The following CLUL1 variants were observed in gnomAD, a reference collection of about 807,000 sequenced individuals.
CLUL1 encodes the protein clusterin-like protein 1.
Under a neutral mutation model 49.4 loss-of-function variants are expected in CLUL1, and 43 were observed. That is an observed-to-expected ratio of 0.87 (90% CI 0.68 to 1.12). CLUL1 has a LOEUF of 1.12. Ranked by LOEUF, CLUL1 falls within the 50% of genes most tolerant of loss-of-function variation. CLUL1 has a pLI of 0.00. For synonymous variants in CLUL1, 192 were observed against 184.9 expected (o/e 1.04, Z -0.31); for missense variants, 486 against 544.4 (o/e 0.89, Z 1.07).
chr18:627,407 G>T lies in CLUL1; in HGVS notation c.734G>T (p.Cys245Phe). Reference sequence around the variant, plus strand: ...ATGACAAAAGCAGATCTTGAGCAATGTTGGGACATTCCCAACTTCTTCCAG... The same window carrying T: ...ATGACAAAAGCAGATCTTGAGCAATTTTGGGACATTCCCAACTTCTTCCAG... ...EPMTKADLEQ[C>F]WDIPNFFQLF... Residue 245 changes from cysteine (C) to phenylalanine (F), a missense_variant, in exon 6 of 10, where the codon TGT (cysteine) becomes TTT (phenylalanine). Cys to Phe is a radical substitution (Grantham distance 205, BLOSUM62 -2). Transcript: ENST00000692774. 6.2e-7 allele frequency: 1 copy of T among 1,614,140 alleles called. No homozygotes were observed. Among genetic ancestry groups the T allele is most frequent in the Non-Finnish European group, 8.5e-7 (1 of 1,180,008 alleles).
intron 2 of CLUL1, chr18:613,171 T>A (rs2073190276): frequency 2.2e-6 from 1 of 451,916 alleles, no homozygotes; most frequent in African/African-American, 2.0e-5. Context: ...GGAGTCTTGC[T>A]CTCGTTGCCC....
intron 1 of CLUL1, among the ~76,000 whole-genome samples, chr18:605,178 C>T (rs1242760691): frequency 6.6e-6 from 1 of 152,196 alleles, no homozygotes; most frequent in Non-Finnish European, 1.5e-5. Context: ...AAAGATATCG[C>T]TGTTCTAAAA....
chr18:621,585 C>T (rs949326423), intron 4 of CLUL1, among the ~76,000 whole-genome samples: 5 of 152,216 alleles, frequency 3.3e-5, no homozygotes, highest in African/African-American at 9.7e-5. Flanking sequence ...GCTTGTGAGC[C>T]TGGCCATCTG....
At chr18:611,114 C>A (rs2073121642) in intron 2 of CLUL1, among the ~76,000 whole-genome samples, 1 of 152,084 alleles carries the variant, frequency 6.6e-6, no homozygotes, top group Non-Finnish European at 1.5e-5. Context: ...TTCCTACTCC[C>A]CTTCCCTCTG....
At chr18:613,194 A>G (rs779279784) in intron 2 of CLUL1, 2 of 476,320 alleles carry the variant, frequency 4.2e-6, no homozygotes, top group South Asian at 8.1e-5. Flanking sequence ...ACTGGAGTGC[A>G]CTGCTGCAAT....
chr18:636,132 G>A (rs1237553904), intron 7 of CLUL1, among the ~76,000 whole-genome samples: 1 of 152,036 alleles, frequency 6.6e-6, no homozygotes, highest in Non-Finnish European at 1.5e-5. Context: ...GTTACCTTTG[G>A]GTTTTAAGAT....
At chr18:649,612 C>T (rs899743255) in intron 9 of CLUL1, 6 of 273,024 alleles carry the variant, frequency 2.2e-5, no homozygotes, top group East Asian at 2.1e-4. Flanking sequence ...CCAAACACTA[C>T]GTGCATGTAG....
At chr18:617,921 T>G (rs1249768101) in intron 2 of CLUL1, 67 bp from the exon 3 acceptor site, 1 of 1,388,028 alleles carries the variant, frequency 7.2e-7, no homozygotes. Flanking sequence ...CCAGGTGTTT[T>G]CAATTGATGC....
chr18:615,182 C>T (rs1340931564), intron 2 of CLUL1, among the ~76,000 whole-genome samples: 3 of 152,028 alleles, frequency 2.0e-5, no homozygotes, highest in Non-Finnish European at 2.9e-5. Context: ...TGAAAGTGAC[C>T]GGATTCACAT....
intron 2 of CLUL1, chr18:616,594 G>C (rs1433406545): frequency 2.3e-5 from 7 of 299,436 alleles, no homozygotes; most frequent in Non-Finnish European, 3.4e-5. Context: ...CCAAATTTTA[G>C]ATCATAGTTG....
chr18:648,858 A>G (rs2144228228), intron 9 of CLUL1, among the ~76,000 whole-genome samples: 1 of 152,082 alleles, frequency 6.6e-6, no homozygotes, highest in Non-Finnish European at 1.5e-5. Flanking sequence ...TGTTTTTACC[A>G]TGTTGGCCGG....
At chr18:597,946 C>T (rs937636614) in intron 1 of CLUL1, 6 of 152,216 alleles carry the variant, frequency 3.9e-5, no homozygotes, top group Non-Finnish European at 7.3e-5. Flanking sequence ...ACCGATTACT[C>T]TAGCTTAGCC....
intron 7 of CLUL1, 80 bp downstream of exon 7, chr18:633,515 G>T: frequency 8.2e-7 from 1 of 1,215,002 alleles, no homozygotes; most frequent in Non-Finnish European, 1.2e-6. Flanking sequence ...TGCCACAAAA[G>T]AAATAGCACT....
chr18:640,003 A>G (rs1425845893), intron 7 of CLUL1, among the ~76,000 whole-genome samples: 1 of 152,164 alleles, frequency 6.6e-6, no homozygotes, highest in African/African-American at 2.4e-5. Flanking sequence ...AAATCTTGCC[A>G]TTATCTTTTC....
intron 2 of CLUL1, among the ~76,000 whole-genome samples, chr18:608,370 C>G (rs1290489018): frequency 2.6e-5 from 4 of 152,208 alleles, no homozygotes; most frequent in Non-Finnish European, 5.9e-5. Context: ...GGCCTAAAAA[C>G]CCCCTAGGTA....
intron 9 of CLUL1, among the ~76,000 whole-genome samples, chr18:646,497 GACACACACACACACACACACAC>G (rs56076402): frequency 1.4e-5 from 2 of 141,274 alleles, no homozygotes; most frequent in Non-Finnish European, 3.0e-5. Flanking sequence ...CAGATAGATA[GACACACACACACACACACACAC>G]ACACACACAC....
intron 9 of CLUL1, among the ~76,000 whole-genome samples, chr18:649,023 G>C (rs1210280718): frequency 1.3e-5 from 2 of 151,774 alleles, no homozygotes; most frequent in African/African-American, 4.8e-5. Flanking sequence ...TAATTTTTAT[G>C]GTTTTTTATT....
intron 2 of CLUL1, among the ~76,000 whole-genome samples, chr18:616,050 G>A (rs1598416679): frequency 6.6e-6 from 1 of 152,192 alleles, no homozygotes; most frequent in Non-Finnish European, 1.5e-5. Context: ...CAAACAGGGC[G>A]CAGGTGATCT....
intron 5 of CLUL1, among the ~76,000 whole-genome samples, 186 bp from the exon 6 acceptor site, chr18:626,911 G>C (rs12958071): frequency 7.3e-4 from 1 of 1,376 alleles, no homozygotes; most frequent in African/African-American, 7.8e-4. Context: ...AAGAAAGAAA[G>C]AAAGAAAGAA....
Sources: gnomAD v4.1 joint callset for allele counts (sites outside exome capture counted in the v4.1 genomes callset) on GRCh38, gnomAD v4.1.1 for gene constraint, MANE v1.5 for transcripts, NCBI Gene and HGNC (gene_info 2026-07-23, HGNC 2026-07-21) for gene names.